Variants in GPC6 observed in about 807,000 individuals in gnomAD.
GPC6 encodes glypican-6.
Under a neutral mutation model 55.2 loss-of-function variants are expected in GPC6, and 14 were observed. The ratio of observed to expected loss-of-function variants is 0.25; its 90% CI spans 0.17 to 0.40. GPC6 has a LOEUF of 0.40. Among genes scored for constraint, GPC6 ranks in the 10% least tolerant of loss-of-function variants. GPC6 has a pLI of 1.00. For synonymous variants in GPC6, 278 were observed against 259.6 expected, an observed-to-expected ratio of 1.07 and a Z score of -0.68; for missense variants, 641 against 708.5, an observed-to-expected ratio of 0.90 and a Z score of 1.08.
intron 1 of GPC6, among the ~76,000 whole-genome samples, chr13:93,396,250 G>A (rs141403001): frequency 3.3e-5 from 5 of 152,294 alleles, no homozygotes; most frequent in African/African-American, 1.2e-4. Context: ...TCCATAGATA[G>A]GAATTCACTA....
intron 2 of GPC6, among the ~76,000 whole-genome samples, chr13:93,676,441 A>T (rs1881636834): frequency 6.6e-6 from 1 of 151,822 alleles, no homozygotes; most frequent in Admixed American, 6.6e-5. Flanking sequence ...GTAAAAATAG[A>T]ATAAAAAAAT....
intron 3 of GPC6, among the ~76,000 whole-genome samples, chr13:93,929,838 AAGAC>A (rs1027284250): frequency 7.9e-5 from 12 of 152,140 alleles, no homozygotes; most frequent in Admixed American, 1.3e-4. Flanking sequence ...GAGAGGAAGA[AAGAC>A]AGAGAGAAAA....
Position 94,144,536 on chromosome 13 carries a change from AGTGTGTGTGTAT to A in GPC6, c.877+116653_877+116664del, listed in dbSNP as rs1261068945. 3.7e-5 allele frequency among the ~76,000 whole-genome samples: 3 copies of A among 80,040 alleles called. No homozygotes were observed. The Admixed American group carries it at 4.3e-4, about 12-fold the overall frequency. 52.5% of individuals were successfully genotyped at this position (80,040 alleles called of 152,430 possible). On this transcript the variant is annotated intron_variant, in intron 4 of 8. Coordinates refer to ENST00000377047, the MANE Select transcript of GPC6 (RefSeq NM_005708.5). Reference sequence around the variant, plus strand: ...TTGTAGGAAAAGATCATTCTTTGGGAGTGTGTGTGTATGTGTGTGTGTGTGTGTGTGTGTGTG... The same window carrying A: ...TTGTAGGAAAAGATCATTCTTTGGGAGTGTGTGTGTGTGTGTGTGTGTGTG...
At chr13:93,448,509 A>T (rs928775523) in intron 1 of GPC6, among the ~76,000 whole-genome samples, 1 of 152,196 alleles carries the variant, frequency 6.6e-6, no homozygotes, top group Non-Finnish European at 1.5e-5. Flanking sequence ...GGCATAGTGT[A>T]AGTTGAAGTA....
chr13:94,288,284 A>G (rs1892585936), intron 5 of GPC6, among the ~76,000 whole-genome samples: 1 of 152,100 alleles, frequency 6.6e-6, no homozygotes, highest in Non-Finnish European at 1.5e-5. Context: ...TATTTTTTTC[A>G]AGGAACCTCA....
intron 3 of GPC6, among the ~76,000 whole-genome samples, chr13:94,022,345 T>C (rs552590839): frequency 2.5e-4 from 38 of 152,218 alleles, no homozygotes; most frequent in South Asian, 1.9e-3. Flanking sequence ...GCAATATTTT[T>C]CTTTCTGTGT....
At chr13:94,130,500 A>G (rs1297369545) in intron 4 of GPC6, among the ~76,000 whole-genome samples, 1 of 152,170 alleles carries the variant, frequency 6.6e-6, no homozygotes, top group Admixed American at 6.6e-5. Flanking sequence ...AACCCAGCCT[A>G]AACCAGCATT....
intron 1 of GPC6, among the ~76,000 whole-genome samples, chr13:93,490,514 GTT>G (rs796098096): frequency 3.1e-4 from 11 of 35,330 alleles, no homozygotes; most frequent in Admixed American, 8.9e-4. Flanking sequence ...TTTTTTTTGA[GTT>G]TTTTTTTTTT....
chr13:94,340,616 A>G (rs1423506505), intron 6 of GPC6, among the ~76,000 whole-genome samples: 2 of 152,364 alleles, frequency 1.3e-5, no homozygotes, highest in South Asian at 2.1e-4. Context: ...AGAGGTCACT[A>G]TGTATATAAA....
intron 1 of GPC6, among the ~76,000 whole-genome samples, chr13:93,408,393 C>T (rs977344815): frequency 6.6e-6 from 1 of 152,056 alleles, no homozygotes; most frequent in African/African-American, 2.4e-5. Context: ...AAAGAAGTCC[C>T]ATGTGGGTGT....
chr13:93,796,659 C>G (rs988953617), intron 2 of GPC6, among the ~76,000 whole-genome samples: 2 of 152,160 alleles, frequency 1.3e-5, no homozygotes, highest in East Asian at 3.9e-4. Context: ...CTTCCTCCAG[C>G]AACCTTTTCT....
At chr13:93,680,544 G>A (rs777920989) in intron 2 of GPC6, among the ~76,000 whole-genome samples, 1 of 152,196 alleles carries the variant, frequency 6.6e-6, no homozygotes, top group Non-Finnish European at 1.5e-5. Context: ...GATAGCAGAT[G>A]TGACTGAAAT....
chr13:93,390,801 TAA>T (rs879499878), intron 1 of GPC6, among the ~76,000 whole-genome samples: 1 of 145,614 alleles, frequency 6.9e-6, no homozygotes. Context: ...TTACTGTCAT[TAA>T]AAAAAAAAAA....
intron 4 of GPC6, among the ~76,000 whole-genome samples, chr13:94,206,359 A>G (rs996467219): frequency 6.6e-6 from 1 of 152,264 alleles, no homozygotes; most frequent in Middle Eastern, 3.4e-3. Context: ...CCACATTCAC[A>G]CTACATGCTG....
intron 1 of GPC6, among the ~76,000 whole-genome samples, chr13:93,543,335 T>C (rs553729029): frequency 7.9e-5 from 12 of 152,292 alleles, no homozygotes; most frequent in African/African-American, 2.6e-4. Flanking sequence ...TTTATTGATT[T>C]GCGTATATTG....
At chr13:93,852,438 T>A (rs9516301) in intron 3 of GPC6, among the ~76,000 whole-genome samples, 57,460 of 151,516 alleles carry the variant, frequency 0.38, 11,734 homozygotes, top group African/African-American at 0.54. Context: ...TGTAGACAAC[T>A]AATTAAAGCC....
At chr13:93,526,453 G>A (rs1881650328) in intron 1 of GPC6, among the ~76,000 whole-genome samples, 1 of 152,048 alleles carries the variant, frequency 6.6e-6, no homozygotes, top group Non-Finnish European at 1.5e-5. Context: ...TAGTAATCCA[G>A]ATCACAGAAG....
At chr13:93,265,420 G>C (rs1877289451) in intron 1 of GPC6, among the ~76,000 whole-genome samples, 1 of 152,150 alleles carries the variant, frequency 6.6e-6, no homozygotes, top group African/African-American at 2.4e-5. Context: ...TTCTACACAT[G>C]GCACATTGGA....
intron 3 of GPC6, among the ~76,000 whole-genome samples, chr13:93,937,014 G>C (rs1878470253): frequency 6.6e-6 from 1 of 152,178 alleles, no homozygotes; most frequent in Admixed American, 6.5e-5. Context: ...CCGATAGAAA[G>C]AATGGGCAAT....
Sources: allele counts gnomAD v4.1 joint callset (sites outside exome capture counted in the v4.1 genomes callset), GRCh38; gene constraint gnomAD v4.1.1; transcripts MANE v1.5; gene names NCBI Gene and HGNC (gene_info 2026-07-23, HGNC 2026-07-21).